Variants in STIM1 observed in about 807,000 individuals in gnomAD.
The protein encoded by STIM1 is stromal interaction molecule 1.
Under a neutral mutation model 74.7 loss-of-function variants are expected in STIM1, and 25 were observed. The ratio of observed to expected loss-of-function variants is 0.33; its 90% CI spans 0.24 to 0.47. STIM1 has a LOEUF of 0.47. Among genes scored for constraint, STIM1 ranks in the 20% least tolerant of loss-of-function variants. The probability of loss-of-function intolerance (pLI) is 1.00; values close to 1 mark genes in which losing one functional copy is unlikely to be tolerated. For missense variants in STIM1, 728 were observed against 920.8 expected (o/e 0.79, Z 2.71); for synonymous variants, 328 against 348.8 (o/e 0.94, Z 0.66).
intron 2 of STIM1, among the ~76,000 whole-genome samples, chr11:4,009,358 A>G (rs1330289405): frequency 2.0e-5 from 3 of 151,828 alleles, no homozygotes; most frequent in Non-Finnish European, 4.4e-5. Context: ...CACGCCTGTA[A>G]TCCCAGCACT....
intron 3 of STIM1, among the ~76,000 whole-genome samples, chr11:4,044,535 G>C (rs1044921283): frequency 6.6e-6 from 1 of 152,182 alleles, no homozygotes; most frequent in African/African-American, 2.4e-5. Flanking sequence ...TGTTATAGAG[G>C]ATACAGCTCA....
intron 2 of STIM1, among the ~76,000 whole-genome samples, chr11:4,009,057 C>G (rs1365704050): frequency 6.6e-6 from 1 of 151,424 alleles, no homozygotes; most frequent in African/African-American, 2.4e-5. Context: ...TTTGGGAGGC[C>G]GAGGCGGGCA....
At chr11:3,939,353 A>G (rs1016484009) in intron 1 of STIM1, among the ~76,000 whole-genome samples, 1 of 152,186 alleles carries the variant, frequency 6.6e-6, no homozygotes, top group Admixed American at 6.5e-5. Context: ...GATTCTTGCA[A>G]ATCTTACAGG....
At chr11:3,874,948 G>T (rs1407611666) in intron 1 of STIM1, among the ~76,000 whole-genome samples, 1 of 151,766 alleles carries the variant, frequency 6.6e-6, no homozygotes, top group African/African-American at 2.4e-5. Flanking sequence ...TGGCTTTAGA[G>T]TTTGTATCTT....
chr11:4,016,478 TG>T (rs1301814046), intron 2 of STIM1, among the ~76,000 whole-genome samples: 1 of 152,068 alleles, frequency 6.6e-6, no homozygotes, highest in East Asian at 1.9e-4. Context: ...TACTGGGAGG[TG>T]TCTCCCAGTC....
chr11:4,076,948 AC>A (rs2094441003), intron 7 of STIM1, among the ~76,000 whole-genome samples: 1 of 151,982 alleles, frequency 6.6e-6, no homozygotes, highest in Non-Finnish European at 1.5e-5. Flanking sequence ...GTATAAAAAA[AC>A]AACTAAGCAA....
Position 3,972,523 on chromosome 11 carries a change from A to G in STIM1, c.270+4841A>G, listed in dbSNP as rs190144877. ...CAAACTATTACATTTAGCAATCAACAGCATGAGTAAAAAAAATTATCTACA... is the reference window on the plus strand; with the variant it reads ...CAAACTATTACATTTAGCAATCAACGGCATGAGTAAAAAAAATTATCTACA... On this transcript the variant is annotated intron_variant, in intron 2 of 12. Coordinates refer to ENST00000526596, the MANE Select transcript of STIM1 (RefSeq NM_001382567.1). Among the ~76,000 whole-genome samples the G allele has an allele frequency of 4.3e-3, 653 of 152,156 alleles. 2 individuals carry two copies. Among genetic ancestry groups the G allele is most frequent in the African/African-American group, 0.015 (624 of 41,488 alleles).
chr11:3,952,258 C>G (rs534070160), intron 1 of STIM1, among the ~76,000 whole-genome samples: 1 of 152,122 alleles, frequency 6.6e-6, no homozygotes, highest in South Asian at 2.1e-4. Context: ...ACAAAAAATA[C>G]AAAAATTAGC....
At chr11:4,086,319 C>A in intron 11 of STIM1, 158 bp from the exon 12 acceptor site, 1 of 757,114 alleles carries the variant, frequency 1.3e-6, no homozygotes. Context: ...CCTTTTAGGA[C>A]CCCTGGTGGG....
chr11:4,083,571 G>A, intron 10 of STIM1, 73 bp downstream of exon 10: 12 of 1,434,106 alleles, frequency 8.4e-6, no homozygotes, highest in Non-Finnish European at 1.1e-5. Context: ...GGCCTCTGTT[G>A]TGCTTAAACA....
intron 2 of STIM1, among the ~76,000 whole-genome samples, chr11:3,974,431 C>T (rs527886668): frequency 4.0e-5 from 6 of 150,026 alleles, no homozygotes; most frequent in African/African-American, 1.5e-4. Context: ...ATCTGAGCAC[C>T]TTGGGAGGCT....
intron 1 of STIM1, among the ~76,000 whole-genome samples, chr11:3,873,287 G>A (rs1296266091): frequency 6.6e-6 from 1 of 151,846 alleles, no homozygotes; most frequent in Non-Finnish European, 1.5e-5. Context: ...GCGTGGTGGC[G>A]CATGTCTGTA....
intron 1 of STIM1, among the ~76,000 whole-genome samples, chr11:3,889,038 C>G (rs1425889533): frequency 6.6e-6 from 1 of 150,882 alleles, no homozygotes; most frequent in Admixed American, 6.6e-5. Context: ...GATGGAGTGG[C>G]CTGTACAAAG....
At chr11:3,899,342 C>G (rs1353670883) in intron 1 of STIM1, among the ~76,000 whole-genome samples, 1 of 152,138 alleles carries the variant, frequency 6.6e-6, no homozygotes, top group East Asian at 1.9e-4. Context: ...TATAAGAATG[C>G]TTGTGATTTT....
chr11:3,993,099 A>T (rs1045722042), intron 2 of STIM1, among the ~76,000 whole-genome samples: 4 of 150,860 alleles, frequency 2.7e-5, no homozygotes, highest in African/African-American at 7.3e-5. Flanking sequence ...AGATCATTTC[A>T]CTCTCCTCAA....
At chr11:3,957,682 A>G (rs1413346900) in intron 1 of STIM1, among the ~76,000 whole-genome samples, 2 of 151,958 alleles carry the variant, frequency 1.3e-5, no homozygotes, top group Non-Finnish European at 2.9e-5. Context: ...CAGCCTCCCA[A>G]GTGGCTGGGA....
chr11:4,028,678 A>G (rs972018644), intron 3 of STIM1, among the ~76,000 whole-genome samples: 6 of 149,968 alleles, frequency 4.0e-5, no homozygotes, highest in African/African-American at 1.5e-4. Flanking sequence ...CCAAAGTTCT[A>G]GGATTACAGG....
rs1162065358 is a variant in STIM1, at chr11:3,895,743, TCTTCCTTC to T, written c.139+39390_139+39397del. Among the ~76,000 whole-genome samples, 164 of 34,490 alleles carry T rather than the reference TCTTCCTTC, an allele frequency of 4.8e-3. 7 individuals carry two copies. Among genetic ancestry groups the T allele is most frequent in the East Asian group, 0.025 (24 of 958 alleles). The allele number at this position is 34,490 out of a possible 152,430, so 22.6% of individuals were successfully genotyped here. A position where few individuals can be genotyped will look rare whatever the true frequency, so the allele number is the denominator to read the frequency against. ...CTTTCTTTCTTTCTTTCTTTTTCTT[TCTTCCTTC>T]CTTCCTTCCTTCCTTCCTTCCTTCC... On this transcript the variant is annotated intron_variant, in intron 1 of 12. Transcript: ENST00000526596.
chr11:3,971,390 G>A (rs912670237), intron 2 of STIM1, among the ~76,000 whole-genome samples: 6 of 152,110 alleles, frequency 3.9e-5, no homozygotes, highest in Admixed American at 3.3e-4. Context: ...TTCTCCGGGC[G>A]TGGTGGCGGG....
Sources: gnomAD v4.1 joint callset for allele counts (sites outside exome capture counted in the v4.1 genomes callset) on GRCh38, gnomAD v4.1.1 for gene constraint, MANE v1.5 for transcripts, NCBI Gene and HGNC (gene_info 2026-07-23, HGNC 2026-07-21) for gene names.